FBXL17: variants seen among roughly 807,000 people sequenced by gnomAD.
The protein encoded by FBXL17 is F-box and leucine rich repeat protein 17, also known as F-box/LRR-repeat protein 17.
A neutral mutation model predicts 66.2 loss-of-function variants in FBXL17; 22 were observed. The observed-to-expected ratio is 0.33, with a 90% confidence interval of 0.24 to 0.47. FBXL17 has a LOEUF of 0.47. Among genes scored for constraint, FBXL17 ranks in the 20% least tolerant of loss-of-function variants. The pLI is 1.00. For missense variants in FBXL17, 878 were observed against 948.2 expected (o/e 0.93, Z 0.97); for synonymous variants, 474 against 400.5 (o/e 1.18, Z -2.19).
chr5:107,944,305 A>G (rs1441364014), intron 7 of FBXL17, among the ~76,000 whole-genome samples: 16 of 152,338 alleles, frequency 1.1e-4, no homozygotes, highest in Admixed American at 1.0e-3. Context: ...ATGTAATGGT[A>G]GGTTTTATGC....
intron 7 of FBXL17, among the ~76,000 whole-genome samples, chr5:107,924,226 G>A (rs2112565378): frequency 6.6e-6 from 1 of 152,054 alleles, no homozygotes; most frequent in East Asian, 1.9e-4. Context: ...TCAGACCTTA[G>A]CTTGCAGCCT....
intron 4 of FBXL17, among the ~76,000 whole-genome samples, chr5:108,230,020 TACCACC>T (rs1755258633): frequency 1.3e-5 from 2 of 152,180 alleles, no homozygotes; most frequent in Non-Finnish European, 2.9e-5. Context: ...CACAACGTGA[TACCACC>T]TTAGTCCTGC....
Position 108,381,488 on chromosome 5 carries a change from G to T in FBXL17, c.204C>A (p.Pro68=). 7.4e-7 allele frequency: 1 copy of T among 1,350,720 alleles called. No homozygotes were observed. Among genetic ancestry groups the T allele is most frequent in the Non-Finnish European group, 9.4e-7 (1 of 1,059,268 alleles). The allele number at this position is 1,350,720 out of a possible 1,614,324, so 83.7% of individuals were successfully genotyped here. Residue 68 remains proline, a synonymous_variant, in exon 1 of 9, where the codon CCC becomes CCA. Transcript: ENST00000542267. Reference sequence around the variant, plus strand: ...CTGGGCCGGCGGGGGCGGGCGCGCCGGGACTGTGCACGATGAAGCAGAGCA... The same window carrying T: ...CTGGGCCGGCGGGGGCGGGCGCGCCTGGACTGTGCACGATGAAGCAGAGCA... ...PCMLCFIVHS[P]GAPAPAGPEE...
At chr5:108,063,656 C>T (rs570660713) in intron 6 of FBXL17, among the ~76,000 whole-genome samples, 2 of 152,160 alleles carry the variant, frequency 1.3e-5, no homozygotes, top group African/African-American at 2.4e-5. Context: ...TATATACATT[C>T]ATTAAAATGA....
chr5:108,146,364 G>A (rs1751560999), intron 6 of FBXL17, among the ~76,000 whole-genome samples: 1 of 151,572 alleles, frequency 6.6e-6, no homozygotes, highest in African/African-American at 2.4e-5. Flanking sequence ...TTTGATTCAT[G>A]GGCTCCATGG....
At position 108,257,642 on chromosome 5, in the gene FBXL17, G is replaced by C. The variant is rs796117360; in HGVS notation, c.1507-33414C>G. Among the ~76,000 whole-genome samples the C allele has an allele frequency of 6.6e-5, 10 of 152,212 alleles. 1 individual carries two copies. Among genetic ancestry groups the C allele is most frequent in the African/African-American group, 2.4e-4 (10 of 41,540 alleles). On this transcript the variant is annotated intron_variant, in intron 4 of 8. Coordinates refer to ENST00000542267, the MANE Select transcript of FBXL17 (RefSeq NM_001163315.3). ...ACTTTACAGATGAGAAACAGAGGCA[G>C]TGACTAAATCCTTTCCAGGTTCACA... is the stretch of plus-strand genomic sequence containing the variant.
intron 6 of FBXL17, among the ~76,000 whole-genome samples, chr5:108,125,289 A>C (rs560475334): frequency 6.6e-6 from 1 of 152,136 alleles, no homozygotes; most frequent in East Asian, 1.9e-4. Context: ...ATATACACCT[A>C]CTATGTACCT....
chr5:107,886,325 A>G (rs566531188), intron 7 of FBXL17, among the ~76,000 whole-genome samples: 2 of 152,304 alleles, frequency 1.3e-5, no homozygotes, highest in Admixed American at 6.5e-5. Flanking sequence ...GAAGTGAGTA[A>G]TAAGTATTGT....
At chr5:108,315,625 A>G (rs996935699) in intron 4 of FBXL17, among the ~76,000 whole-genome samples, 7 of 151,202 alleles carry the variant, frequency 4.6e-5, no homozygotes, top group East Asian at 1.9e-4. Flanking sequence ...GTTAAAAAAA[A>G]AGAGAGAAAA....
intron 7 of FBXL17, among the ~76,000 whole-genome samples, chr5:107,932,400 G>T (rs1000104719): frequency 2.0e-5 from 3 of 152,076 alleles, no homozygotes; most frequent in African/African-American, 7.2e-5. Context: ...GAATGAGGTT[G>T]GATATTTTAA....
intron 4 of FBXL17, among the ~76,000 whole-genome samples, chr5:108,232,131 T>A (rs967939398): frequency 3.3e-5 from 5 of 152,230 alleles, no homozygotes; most frequent in Admixed American, 2.6e-4. Flanking sequence ...GTTAAAAACA[T>A]GTTTGTGAAT....
At chr5:108,254,526 C>T (rs912604810) in intron 4 of FBXL17, among the ~76,000 whole-genome samples, 6 of 152,124 alleles carry the variant, frequency 3.9e-5, no homozygotes, top group Non-Finnish European at 8.8e-5. Flanking sequence ...CTGTAGGCAT[C>T]ATTTATTCCC....
At chr5:108,033,024 C>A (rs1317702907) in intron 6 of FBXL17, among the ~76,000 whole-genome samples, 2 of 152,032 alleles carry the variant, frequency 1.3e-5, no homozygotes, top group Admixed American at 1.3e-4. Context: ...AGAATAAATT[C>A]CAAAAGGTAT....
At chr5:107,975,185 C>T (rs532669912) in intron 7 of FBXL17, among the ~76,000 whole-genome samples, 48 of 152,160 alleles carry the variant, frequency 3.2e-4, no homozygotes, top group African/African-American at 1.1e-3. Flanking sequence ...TAAATATGCT[C>T]GGATATGTCT....
At chr5:108,183,034 A>ATTTT (rs34101023) in intron 6 of FBXL17, among the ~76,000 whole-genome samples, 11 of 91,524 alleles carry the variant, frequency 1.2e-4, no homozygotes, top group African/African-American at 2.9e-4. Context: ...ACAGTTTTCT[A>ATTTT]TTTTTTTTTT....
At chr5:107,892,240 GCTGT>G (rs1749219250) in intron 7 of FBXL17, among the ~76,000 whole-genome samples, 1 of 152,080 alleles carries the variant, frequency 6.6e-6, no homozygotes, top group African/African-American at 2.4e-5. Flanking sequence ...TAAGCTAGGG[GCTGT>G]CTATGTGTAC....
chr5:108,146,306 CA>C (rs112908152), intron 6 of FBXL17, among the ~76,000 whole-genome samples: 2,139 of 135,094 alleles, frequency 0.016, 14 homozygotes, highest in African/African-American at 0.02. Flanking sequence ...CACTTTGGTA[CA>C]AAAAAAAAAA....
At chr5:108,201,403 C>A (rs563202645) in intron 5 of FBXL17, among the ~76,000 whole-genome samples, 2 of 152,162 alleles carry the variant, frequency 1.3e-5, no homozygotes, top group East Asian at 3.9e-4. Flanking sequence ...TAGACAAGAT[C>A]TGCCCAGGTG....
chr5:108,320,947 T>G (rs1423402769), intron 4 of FBXL17, among the ~76,000 whole-genome samples: 2 of 151,818 alleles, frequency 1.3e-5, no homozygotes, highest in Non-Finnish European at 2.9e-5. Flanking sequence ...CGAACCAAAC[T>G]TTATGCCAAA....
Sources: gnomAD v4.1 joint callset for allele counts (sites outside exome capture counted in the v4.1 genomes callset) on GRCh38, gnomAD v4.1.1 for gene constraint, MANE v1.5 for transcripts, NCBI Gene and HGNC (gene_info 2026-07-23, HGNC 2026-07-21) for gene names.